Variants in TDRD5 observed in about 807,000 individuals in gnomAD.
TDRD5 encodes tudor domain containing 5.
Under a neutral mutation model 120.6 loss-of-function variants are expected in TDRD5, and 41 were observed. That is an observed-to-expected ratio of 0.34 (90% CI 0.26 to 0.44). The LOEUF (loss-of-function observed/expected upper bound fraction) is 0.44. Ranked by LOEUF, TDRD5 falls within the 20% of genes least tolerant of loss-of-function variation. The pLI is 1.00. For missense variants in TDRD5, 1,006 were observed against 1,221.2 expected, an observed-to-expected ratio of 0.82 and a Z score of 2.63; for synonymous variants, 430 against 433.7, an observed-to-expected ratio of 0.99 and a Z score of 0.11.
At chr1:179,681,758 C>T (rs1231055388) in intron 17 of TDRD5, among the ~76,000 whole-genome samples, 1 of 149,394 alleles carries the variant, frequency 6.7e-6, no homozygotes, top group African/African-American at 2.5e-5. Context: ...TGTCACCCTT[C>T]GCCCCGTTTT....
At chr1:179,604,477 A>C (rs923508124) in intron 4 of TDRD5, among the ~76,000 whole-genome samples, 6 of 151,618 alleles carry the variant, frequency 4.0e-5, no homozygotes, top group Non-Finnish European at 8.8e-5. Context: ...TTAGAATGTC[A>C]GTTTGTGCTC....
rs200962540 is a variant in TDRD5, at chr1:179,635,852, G to C, written c.1485G>C (p.Ser495=). The stretch of plus-strand genomic sequence containing the variant: ...ACATCCGGATCTATAGCAGGGATTC[G>C]TCAGAGTTACTCGAAGACATGATGA... ...QFYIRIYSRD[S]SELLEDMMIE... The change falls in exon 9 of 18, where the codon TCG becomes TCC. Residue 495 remains serine (S), a synonymous_variant. Transcript: ENST00000444136. 1.2e-6 allele frequency: 2 copies of C among 1,613,548 alleles called. No homozygotes were observed. The highest frequency in any genetic ancestry group is 1.3e-5 in the African/African-American group (1 of 74,876).
chr1:179,674,894 T>C (rs1201803143), intron 17 of TDRD5, among the ~76,000 whole-genome samples: 1 of 152,186 alleles, frequency 6.6e-6, no homozygotes, highest in Non-Finnish European at 1.5e-5. Flanking sequence ...ACATCTCCCA[T>C]TTCATTTCTA....
intron 17 of TDRD5, among the ~76,000 whole-genome samples, chr1:179,680,570 T>C (rs1286416884): frequency 6.6e-6 from 1 of 152,244 alleles, no homozygotes; most frequent in Non-Finnish European, 1.5e-5. Context: ...TCTATTTAGT[T>C]GATATGAATA....
At chr1:179,621,226 A>T in intron 6 of TDRD5, 135 bp downstream of exon 6, 1 of 640,972 alleles carries the variant, frequency 1.6e-6, no homozygotes, top group Non-Finnish European at 2.5e-6. Context: ...GCATTTTAGT[A>T]TATTATAAGA....
chr1:179,685,524 G>C (rs1343275781), intron 17 of TDRD5, among the ~76,000 whole-genome samples: 1 of 152,150 alleles, frequency 6.6e-6, no homozygotes, highest in Non-Finnish European at 1.5e-5. Flanking sequence ...TGGCAATGCG[G>C]GCTCTGTTTT....
chr1:179,688,136 G>C (rs544471904), intron 17 of TDRD5, among the ~76,000 whole-genome samples: 2 of 152,274 alleles, frequency 1.3e-5, no homozygotes, highest in South Asian at 4.1e-4. Flanking sequence ...TTTCTTCCTA[G>C]CATTGATGGT....
At chr1:179,685,734 G>T (rs139112118) in intron 17 of TDRD5, among the ~76,000 whole-genome samples, 2,613 of 152,160 alleles carry the variant, frequency 0.017, 55 homozygotes, top group African/African-American at 0.059. Flanking sequence ...GTGGTTTGTA[G>T]TTCTCCTTGA....
At position 179,639,892 on chromosome 1, in the gene TDRD5, T is replaced by G. The variant is rs149310417; in HGVS notation, c.1574T>G (p.Phe525Cys). Residue 525 changes from phenylalanine (F) to cysteine (C), a missense_variant, in exon 10 of 18, where the codon TTT becomes TGT. This residue lies in a region of TDRD5 where 158 missense variants were observed against 257.5 expected (regional missense o/e 0.61). Transcript: ENST00000444136. ...VSDRYVMPECFIQPGHLCCVR... is the reference protein window; with the variant it reads ...VSDRYVMPECCIQPGHLCCVR... ...GATCGATATGTCATGCCAGAATGTTTTATTCAGCCGGGACATCTCTGTTGT... is the reference window on the plus strand; with the variant it reads ...GATCGATATGTCATGCCAGAATGTTGTATTCAGCCGGGACATCTCTGTTGT... 5 of 1,614,040 alleles carry G rather than the reference T, an allele frequency of 3.1e-6. No homozygotes were observed. In the African/African-American group the frequency reaches 6.7e-5, roughly 22 times the overall value.
intron 6 of TDRD5, among the ~76,000 whole-genome samples, chr1:179,627,489 G>A (rs1422014559): frequency 6.6e-6 from 1 of 152,184 alleles, no homozygotes. Flanking sequence ...AGTATTCTGA[G>A]ACCATTGTTG....
rs1572459160 is a variant in TDRD5 at position 179,691,092 on chromosome 1, T to TAA, written c.*150_*151dup. On this transcript the variant is annotated 3_prime_UTR_variant, in exon 18 of 18. Coordinates refer to ENST00000444136, the MANE Select transcript of TDRD5 (RefSeq NM_001199085.3). ...TGACTATATGTTAGCTTTATTATGC[T>TAA]AACAGTCTACTTTGATGTGTAAGTA... is the stretch of plus-strand genomic sequence containing the variant. 9.6e-7 allele frequency: 1 copy of TAA among 1,040,926 alleles called. No individual in the cohort carries two copies. Among genetic ancestry groups the TAA allele is most frequent in the Non-Finnish European group, 1.3e-6 (1 of 746,836 alleles). The allele number at this position is 1,040,926 out of a possible 1,614,324, so 64.5% of individuals were successfully genotyped here. A position where few individuals can be genotyped will look rare whatever the true frequency, so the allele number is the denominator to read the frequency against.
chr1:179,617,509 T>C (rs1676623736), intron 4 of TDRD5, among the ~76,000 whole-genome samples: 1 of 152,200 alleles, frequency 6.6e-6, no homozygotes, highest in East Asian at 1.9e-4. Flanking sequence ...TCAGGCCAAG[T>C]AAGAGAAGAA....
At chr1:179,646,627 T>C (rs989829736) in intron 11 of TDRD5, among the ~76,000 whole-genome samples, 7 of 149,934 alleles carry the variant, frequency 4.7e-5, no homozygotes, top group Non-Finnish European at 1.5e-5. Context: ...GAGAAGGAAA[T>C]AGAGGGTATT....
chr1:179,688,996 C>T (rs1189357795), intron 17 of TDRD5, among the ~76,000 whole-genome samples: 1 of 152,192 alleles, frequency 6.6e-6, no homozygotes, highest in African/African-American at 2.4e-5. Flanking sequence ...CGAACATCCT[C>T]CTTTAGCTCA....
At chr1:179,651,992 T>A in intron 12 of TDRD5, 47 bp from the exon 13 acceptor site, 1 of 1,588,370 alleles carries the variant, frequency 6.3e-7, no homozygotes, top group Admixed American at 1.8e-5. Context: ...GCCCTTTTTC[T>A]GTTGGTCATG....
At chr1:179,686,336 G>C (rs1172351049) in intron 17 of TDRD5, among the ~76,000 whole-genome samples, 2 of 152,274 alleles carry the variant, frequency 1.3e-5, no homozygotes, top group East Asian at 3.9e-4. Context: ...TGTATATGAG[G>C]AATTACGTTT....
intron 11 of TDRD5, among the ~76,000 whole-genome samples, chr1:179,648,110 G>T (rs1163664721): frequency 1.2e-4 from 18 of 150,268 alleles, no homozygotes; most frequent in Non-Finnish European, 2.1e-4. Flanking sequence ...TATACCCAAA[G>T]GACTATAAAT....
In TDRD5 at chr1:179,674,121, T is replaced by C. The variant is rs567129363; in HGVS notation, c.2860+4717T>C. On this transcript the variant is annotated intron_variant, in intron 17 of 17. Transcript: ENST00000444136. ...TGGTGAAAGTGGGCATCCTTGTCTG[T>C]TCCATTTCTCAGGGGGAATGCTTTC... Among the ~76,000 whole-genome samples the C allele has an allele frequency of 4.6e-5, 7 of 152,320 alleles. No individual in the cohort carries two copies. The East Asian group carries it at 1.4e-3, about 29-fold the overall frequency.
At chr1:179,649,513 G>A (rs1165816851) in intron 11 of TDRD5, among the ~76,000 whole-genome samples, 3 of 151,890 alleles carry the variant, frequency 2.0e-5, no homozygotes, top group Non-Finnish European at 4.4e-5. Flanking sequence ...TATCTGATCT[G>A]TTACTGAATT....
Sources: allele counts gnomAD v4.1 joint callset (sites outside exome capture counted in the v4.1 genomes callset), GRCh38; gene constraint gnomAD v4.1.1; regional missense constraint gnomAD v4.1.1; transcripts MANE v1.5; gene names NCBI Gene and HGNC (gene_info 2026-07-23, HGNC 2026-07-21).